Variants in LRIG1 observed in about 807,000 individuals in gnomAD.
The protein encoded by LRIG1 is leucine rich repeats and immunoglobulin like domains 1, also known as leucine-rich repeats and immunoglobulin-like domains protein 1.
In LRIG1, 48 loss-of-function variants were observed where a neutral mutation model predicts 99.2. The ratio of observed to expected loss-of-function variants is 0.48; its 90% confidence interval spans 0.38 to 0.62. LRIG1 has a LOEUF of 0.62. LRIG1 is among the 20% of genes least tolerant of loss of function. LRIG1 has a pLI of 0.00. For missense variants in LRIG1, 1,646 were observed against 1,434.4 expected (o/e 1.15, Z -2.38); for synonymous variants, 772 against 596.1 (o/e 1.29, Z -4.30).
At chr3:66,499,058 G>A (rs1248078504) in intron 1 of LRIG1, among the ~76,000 whole-genome samples, 2 of 152,142 alleles carry the variant, frequency 1.3e-5, no homozygotes, top group Non-Finnish European at 2.9e-5. Context: ...TTATTCAACC[G>A]AAATGCGGAC....
intron 3 of LRIG1, among the ~76,000 whole-genome samples, chr3:66,419,129 G>A (rs1702718244): frequency 6.6e-6 from 1 of 152,250 alleles, no homozygotes; most frequent in Admixed American, 6.5e-5. Context: ...AAAAGGGTCT[G>A]TGCTGGACAG....
chr3:66,381,525 C>A lies in LRIG1; in HGVS notation c.2724G>T (p.Trp908Cys). 2.5e-6 allele frequency: 4 copies of A among 1,614,104 alleles called. No individual in the cohort carries two copies. The highest frequency in any genetic ancestry group is 3.4e-6 in the Non-Finnish European group (4 of 1,179,968). ...TCCCTTCAGCTTTCTCCATCGCTTT[C>A]CACGGCTCTTTGTGATACGCAGACC... ...CAGSAYHKEP[W>C]KAMEKAEGTP... Residue 908 changes from tryptophan (W) to cysteine (C), a missense_variant, in exon 17 of 19, where the codon TGG (tryptophan) becomes TGT (cysteine). Transcript: ENST00000273261.
Position 66,410,282 on chromosome 3 carries a change from C to G in LRIG1, c.792-10G>C, listed in dbSNP as rs771686931. 1 of 1,592,018 alleles carries G rather than the reference C, an allele frequency of 6.3e-7. No individual in the cohort carries two copies. The highest frequency in any genetic ancestry group is 8.6e-7 in the Non-Finnish European group (1 of 1,169,444). ...GTTGTACTCCAGGTGCCTGCAATGA[C>G]AGCCATGCACAGGATGAAGAGGAGC... On this transcript the variant is annotated splice_polypyrimidine_tract_variant and intron_variant, in intron 6 of 18. Transcript: ENST00000273261.
At chr3:66,381,732 TA>T in intron 16 of LRIG1, 101 bp from the exon 17 acceptor site, 1 of 1,345,940 alleles carries the variant, frequency 7.4e-7, no homozygotes. Context: ...TCATTTTTTT[TA>T]AAAAGTTCTT....
intron 1 of LRIG1, among the ~76,000 whole-genome samples, chr3:66,465,228 A>G (rs1031551363): frequency 2.0e-5 from 3 of 152,150 alleles, no homozygotes; most frequent in African/African-American, 7.2e-5. Context: ...CCAGCTGTAG[A>G]TCCTCAATAG....
chr3:66,401,514 A>G (rs1702054250), intron 9 of LRIG1: 1 of 838,600 alleles, frequency 1.2e-6, no homozygotes, highest in Admixed American at 3.2e-5. Context: ...GCAGGCTGTT[A>G]TTTTTAACGG....
chr3:66,462,623 A>G, intron 1 of LRIG1, 114 bp from the exon 2 acceptor site: 2 of 710,142 alleles, frequency 2.8e-6, no homozygotes, highest in Non-Finnish European at 5.0e-6. Context: ...CCCCCATCCC[A>G]TGATCATGTA....
rs771080828 is a variant in LRIG1, at chr3:66,381,602, G to T, written c.2647C>A (p.Pro883Thr). 8.9e-5 allele frequency: 143 copies of T among 1,613,920 alleles called. No homozygotes were observed. The highest frequency in any genetic ancestry group is 1.1e-4 in the Non-Finnish European group (134 of 1,179,906). ...GCAACGCTGTGAGTGTCGGGCTCTGGAAAGTGGCTTGCATCTCTTGGACAC... is the reference window on the plus strand; with the variant it reads ...GCAACGCTGTGAGTGTCGGGCTCTGTAAAGTGGCTTGCATCTCTTGGACAC... ...GVCPRDASHFPEPDTHSVACR... is the reference protein window; with the variant it reads ...GVCPRDASHFTEPDTHSVACR... The change falls in exon 17 of 19, where the codon CCA becomes ACA. Residue 883 changes from proline to threonine, a missense_variant. Physicochemically the swap from Pro to Thr is conservative, Grantham distance 38. Coordinates refer to ENST00000273261, the MANE Select transcript of LRIG1 (RefSeq NM_015541.3).
rs1375765264 is a variant in LRIG1, at chr3:66,469,574, C to T, written c.219-7065G>A. ...CCCATAAGGTCTTACATGTGCTTCT[C>T]GGCCTTACTAGTTCACACATGTCAT... On this transcript the variant is annotated intron_variant, in intron 1 of 18. Coordinates refer to ENST00000273261, the MANE Select transcript of LRIG1 (RefSeq NM_015541.3). Among the ~76,000 whole-genome samples, 6 of 152,254 alleles carry T rather than the reference C, an allele frequency of 3.9e-5. No homozygotes were observed. In the South Asian group the frequency reaches 6.2e-4, roughly 16 times the overall value.
chr3:66,453,545 G>A (rs960599125), intron 2 of LRIG1, among the ~76,000 whole-genome samples: 5 of 152,100 alleles, frequency 3.3e-5, no homozygotes, highest in African/African-American at 9.7e-5. Flanking sequence ...GCAAAAACTC[G>A]ACATGCCTCG....
chr3:66,471,076 G>C (rs951981150), intron 1 of LRIG1, among the ~76,000 whole-genome samples: 3 of 152,122 alleles, frequency 2.0e-5, no homozygotes, highest in African/African-American at 7.2e-5. Flanking sequence ...AAAGGAATTT[G>C]GGCAGGGAAT....
chr3:66,488,343 C>T (rs893920459), intron 1 of LRIG1, among the ~76,000 whole-genome samples: 1 of 151,948 alleles, frequency 6.6e-6, no homozygotes, highest in African/African-American at 2.4e-5. Context: ...AAAGCCACAG[C>T]CGGGCGTGGT....
chr3:66,380,881 A>G lies in LRIG1; in HGVS notation c.2771-20T>C, dbSNP rs746575153. Reference sequence around the variant, plus strand: ...CGTGTTCTGAAGGACAGCGCCAAAGATGGGTTAGAGTCACTGCTGTGGGAG... The same window carrying G: ...CGTGTTCTGAAGGACAGCGCCAAAGGTGGGTTAGAGTCACTGCTGTGGGAG... On this transcript the variant is annotated intron_variant, in intron 17 of 18. Coordinates refer to ENST00000273261, the MANE Select transcript of LRIG1 (RefSeq NM_015541.3). The G allele has an allele frequency of 1.2e-6, 2 of 1,611,298 alleles. No individual in the cohort carries two copies. Among genetic ancestry groups the G allele is most frequent in the African/African-American group, 2.7e-5 (2 of 74,908 alleles).
At chr3:66,448,233 C>T (rs1703789552) in intron 3 of LRIG1, among the ~76,000 whole-genome samples, 1 of 152,172 alleles carries the variant, frequency 6.6e-6, no homozygotes, top group South Asian at 2.1e-4. Context: ...ACAGAAAAAG[C>T]CAGGTGCAGA....
intron 8 of LRIG1, chr3:66,406,237 C>A (rs1421013404): frequency 2.0e-6 from 2 of 983,840 alleles, no homozygotes; most frequent in African/African-American, 3.5e-5. Context: ...CTGGAAGGGA[C>A]TTCTCCTCTC....
At chr3:66,445,185 T>C (rs1224194002) in intron 3 of LRIG1, among the ~76,000 whole-genome samples, 3 of 152,186 alleles carry the variant, frequency 2.0e-5, no homozygotes, top group Admixed American at 1.3e-4. Flanking sequence ...GAGAATTCAT[T>C]TTATTGCCAG....
At chr3:66,486,001 A>C (rs1700965733) in intron 1 of LRIG1, among the ~76,000 whole-genome samples, 4 of 152,182 alleles carry the variant, frequency 2.6e-5, no homozygotes, top group Admixed American at 2.0e-4. Flanking sequence ...AAACATGTAC[A>C]CGCAGGTCTG....
rs1459143248 is a variant in LRIG1 at position 66,382,988 on chromosome 3, T to G, written c.2485A>C (p.Asn829His). Residue 829 changes from asparagine (N) to histidine (H), a missense_variant, in exon 15 of 19, where the codon AAC (asparagine) becomes CAC (histidine). Transcript: ENST00000273261. Reference sequence around the variant, plus strand: ...TCCGCTGGCAGGGCCTGACCTGTGTTGGTGACACTGTACTCTTCACTCTTC... The same window carrying G: ...TCCGCTGGCAGGGCCTGACCTGTGTGGGTGACACTGTACTCTTCACTCTTC... ...RKKSEEYSVT[N>H]TDETVVPPDV... 1 of 1,605,582 alleles carries G rather than the reference T, an allele frequency of 6.2e-7. No homozygotes were observed. Among genetic ancestry groups the G allele is most frequent in the East Asian group, 2.2e-5 (1 of 44,688 alleles).
At chr3:66,486,822 T>C (rs1700985665) in intron 1 of LRIG1, among the ~76,000 whole-genome samples, 1 of 152,214 alleles carries the variant, frequency 6.6e-6, no homozygotes, top group Non-Finnish European at 1.5e-5. Context: ...CTTTACGCTT[T>C]TGTGTTTCTT....
Sources: allele counts gnomAD v4.1 joint callset (sites outside exome capture counted in the v4.1 genomes callset), GRCh38; gene constraint gnomAD v4.1.1; transcripts MANE v1.5; gene names NCBI Gene and HGNC (gene_info 2026-07-23, HGNC 2026-07-21).